The following ERBB4 variants were observed in gnomAD, a reference collection of about 807,000 sequenced individuals.
ERBB4 encodes the protein receptor tyrosine-protein kinase erbB-4.
ERBB4 carries 42 observed loss-of-function variants against 158.0 expected under a neutral mutation model. That is an observed-to-expected ratio of 0.27 (90% confidence interval 0.21 to 0.34). The LOEUF (loss-of-function observed/expected upper bound fraction) is 0.34, where lower values mean the gene tolerates loss of function less well. Ranked by LOEUF, ERBB4 falls within the 10% of genes least tolerant of loss-of-function variation. The pLI, the probability that ERBB4 is intolerant of heterozygous loss-of-function variation, is 1.00. For missense variants in ERBB4, 1,333 were observed against 1,624.1 expected (o/e 0.82, Z 3.08); for synonymous variants, 583 against 558.7 (o/e 1.04, Z -0.61).
chr2:211,893,747 G>A (rs1160772343), intron 3 of ERBB4, among the ~76,000 whole-genome samples: 62 of 120,314 alleles, frequency 5.2e-4, no homozygotes, highest in East Asian at 1.8e-3. Context: ...AAAAGTGGGC[G>A]AAGGACATGA....
At chr2:212,184,861 T>C (rs1038331650) in intron 1 of ERBB4, among the ~76,000 whole-genome samples, 2 of 152,048 alleles carry the variant, frequency 1.3e-5, no homozygotes, top group Non-Finnish European at 2.9e-5. Flanking sequence ...ATTTTTTTTC[T>C]TAGATTCTAG....
intron 1 of ERBB4, among the ~76,000 whole-genome samples, chr2:212,423,254 C>T (rs16848525): frequency 0.024 from 3,659 of 152,152 alleles, 103 homozygotes; most frequent in South Asian, 0.051. Context: ...GCTGAAAACA[C>T]GTTACAGTCA....
intron 7 of ERBB4, among the ~76,000 whole-genome samples, chr2:211,715,690 T>C (rs1255427252): frequency 1.3e-5 from 2 of 152,180 alleles, no homozygotes; most frequent in African/African-American, 4.8e-5. Flanking sequence ...TGCCTCTCTC[T>C]TCCTCCTGCT....
intron 1 of ERBB4, among the ~76,000 whole-genome samples, chr2:212,300,615 G>C (rs1314543357): frequency 6.6e-6 from 1 of 151,448 alleles, no homozygotes; most frequent in Non-Finnish European, 1.5e-5. Context: ...GATGTGATAA[G>C]AGGAGTGGGG....
At chr2:211,521,431 T>C (rs1324432042) in intron 20 of ERBB4, among the ~76,000 whole-genome samples, 2 of 152,078 alleles carry the variant, frequency 1.3e-5, no homozygotes, top group African/African-American at 2.4e-5. Context: ...AGAAGAAAAG[T>C]TGGAAGCTAG....
At chr2:212,347,537 C>A (rs2089065439) in intron 1 of ERBB4, among the ~76,000 whole-genome samples, 1 of 152,064 alleles carries the variant, frequency 6.6e-6, no homozygotes, top group African/African-American at 2.4e-5. Flanking sequence ...CCTTTCAGAT[C>A]TGAAGAACTA....
At chr2:211,811,638 C>A (rs2076759437) in intron 3 of ERBB4, among the ~76,000 whole-genome samples, 1 of 152,154 alleles carries the variant, frequency 6.6e-6, no homozygotes, top group South Asian at 2.1e-4. Context: ...CTCCCCATCA[C>A]TTTCAAGTAC....
intron 1 of ERBB4, among the ~76,000 whole-genome samples, chr2:212,465,057 C>A (rs1476439115): frequency 6.6e-6 from 1 of 152,064 alleles, no homozygotes; most frequent in Admixed American, 6.6e-5. Context: ...CCAAGCCACA[C>A]ACTTGAAATA....
intron 4 of ERBB4, among the ~76,000 whole-genome samples, chr2:211,763,361 G>A (rs1283860083): frequency 6.6e-6 from 1 of 152,068 alleles, no homozygotes; most frequent in Admixed American, 6.6e-5. Context: ...CATAAGAAAT[G>A]AGTGTTGTCA....
intron 20 of ERBB4, among the ~76,000 whole-genome samples, chr2:211,462,544 C>T (rs1020972494): frequency 3.3e-5 from 5 of 151,970 alleles, no homozygotes; most frequent in Non-Finnish European, 7.4e-5. Flanking sequence ...TTCATGTGGT[C>T]CAGAAGGTGA....
chr2:211,829,082 T>C (rs2077165269), intron 3 of ERBB4, among the ~76,000 whole-genome samples: 1 of 152,062 alleles, frequency 6.6e-6, no homozygotes, highest in African/African-American at 2.4e-5. Context: ...TTACTTTCAT[T>C]AGTTACTTAA....
intron 2 of ERBB4, among the ~76,000 whole-genome samples, chr2:212,120,125 C>T (rs1025827146): frequency 1.3e-5 from 2 of 152,118 alleles, no homozygotes; most frequent in Non-Finnish European, 2.9e-5. Context: ...CCCCAAATTA[C>T]TATTTGGGGT....
chr2:212,016,378 G>T (rs190525799), intron 2 of ERBB4, among the ~76,000 whole-genome samples: 1 of 152,078 alleles, frequency 6.6e-6, no homozygotes, highest in Non-Finnish European at 1.5e-5. Context: ...AAAACAATTC[G>T]AGATAATCAC....
intron 2 of ERBB4, among the ~76,000 whole-genome samples, chr2:212,047,785 T>C (rs1389479890): frequency 1.3e-5 from 2 of 151,968 alleles, no homozygotes; most frequent in Non-Finnish European, 2.9e-5. Flanking sequence ...TGCCCAGCCC[T>C]TCATATTAAT....
At chr2:212,369,560 T>C (rs1184955401) in intron 1 of ERBB4, among the ~76,000 whole-genome samples, 1 of 152,224 alleles carries the variant, frequency 6.6e-6, no homozygotes, top group Non-Finnish European at 1.5e-5. Flanking sequence ...AATTTTCTTT[T>C]ATCTGAATCT....
chr2:211,973,123 C>A (rs1480215292), intron 2 of ERBB4, among the ~76,000 whole-genome samples: 1 of 151,694 alleles, frequency 6.6e-6, no homozygotes, highest in African/African-American at 2.4e-5. Flanking sequence ...AAGACATGAA[C>A]AGACACTTTT....
At chr2:211,587,786 C>A (rs1051507218) in intron 19 of ERBB4, among the ~76,000 whole-genome samples, 3 of 152,036 alleles carry the variant, frequency 2.0e-5, no homozygotes, top group Non-Finnish European at 4.4e-5. Flanking sequence ...AATGAAACAA[C>A]CTCTATGAAA....
intron 1 of ERBB4, among the ~76,000 whole-genome samples, chr2:212,131,724 C>G (rs894999338): frequency 1.3e-5 from 2 of 152,164 alleles, no homozygotes; most frequent in Admixed American, 1.3e-4. Context: ...GTGGGCGTCT[C>G]TTAGTATTAC....
At chr2:211,538,000 T>G (rs2066702046) in intron 20 of ERBB4, among the ~76,000 whole-genome samples, 1 of 151,876 alleles carries the variant, frequency 6.6e-6, no homozygotes, top group Admixed American at 6.6e-5. Context: ...GAAATGACAA[T>G]AATTTGAGGC....
Sources: allele counts gnomAD v4.1 joint callset (sites outside exome capture counted in the v4.1 genomes callset), GRCh38; gene constraint gnomAD v4.1.1; transcripts MANE v1.5; gene names NCBI Gene and HGNC (gene_info 2026-07-23, HGNC 2026-07-21).